The following PRKCE variants were observed in gnomAD, a reference collection of about 807,000 sequenced individuals.
PRKCE encodes the protein protein kinase C epsilon.
PRKCE carries 16 observed loss-of-function variants against 85.4 expected under a neutral mutation model. The ratio of observed to expected loss-of-function variants is 0.19; its 90% CI spans 0.13 to 0.28. PRKCE has a LOEUF of 0.28. Ranked by LOEUF, PRKCE falls within the 10% of genes least tolerant of loss-of-function variation. PRKCE has a pLI of 1.00. For missense variants in PRKCE, 573 were observed against 975.2 expected, an observed-to-expected ratio of 0.59 and a Z score of 5.49; for synonymous variants, 388 against 371.5, an observed-to-expected ratio of 1.04 and a Z score of -0.51.
At position 45,671,862 on chromosome 2, in the gene PRKCE, A is replaced by G. The variant is rs546822997; in HGVS notation, c.348+19414A>G. On this transcript the variant is annotated intron_variant, in intron 1 of 14. Coordinates refer to ENST00000306156, the MANE Select transcript of PRKCE (RefSeq NM_005400.3). ...GGCAGGGGGATTGCTTGAGGTCAAG[A>G]CCAGCCTGGCCAACATGGCAAGACA... Among the ~76,000 whole-genome samples the G allele has an allele frequency of 2.1e-3, 317 of 152,226 alleles. 1 individual carries two copies. The highest frequency in any genetic ancestry group is 7.4e-3 in the African/African-American group (308 of 41,530).
At chr2:45,960,958 C>T (rs1340198114) in intron 2 of PRKCE, among the ~76,000 whole-genome samples, 2 of 152,184 alleles carry the variant, frequency 1.3e-5, no homozygotes, top group Admixed American at 1.3e-4. Context: ...TCTGTTTCAA[C>T]AGGGTTGAAA....
At chr2:45,999,600 G>A (rs1704503566) in intron 6 of PRKCE, among the ~76,000 whole-genome samples, 1 of 152,040 alleles carries the variant, frequency 6.6e-6, no homozygotes, top group Non-Finnish European at 1.5e-5. Context: ...TTTATCCTGT[G>A]TGGTGTTCTT....
intron 10 of PRKCE, among the ~76,000 whole-genome samples, chr2:46,074,402 G>GCAAA (rs1211797304): frequency 2.8e-5 from 2 of 72,500 alleles, no homozygotes; most frequent in African/African-American, 5.2e-5. Context: ...AATTAAGCAA[G>GCAAA]CAAACAAACA....
At chr2:45,966,569 A>G (rs1455042456) in intron 2 of PRKCE, among the ~76,000 whole-genome samples, 3 of 152,200 alleles carry the variant, frequency 2.0e-5, no homozygotes, top group Admixed American at 1.3e-4. Context: ...TACCTTGAAG[A>G]CTATAATCAC....
At chr2:45,780,466 A>G (rs193299323) in intron 1 of PRKCE, among the ~76,000 whole-genome samples, 1 of 152,162 alleles carries the variant, frequency 6.6e-6, no homozygotes, top group South Asian at 2.1e-4. Context: ...GCAGAATTAG[A>G]TTTGATTTCT....
At chr2:46,127,618 G>A (rs1488618268) in intron 11 of PRKCE, among the ~76,000 whole-genome samples, 2 of 152,234 alleles carry the variant, frequency 1.3e-5, no homozygotes, top group Non-Finnish European at 2.9e-5. Context: ...TCTCCACACT[G>A]ACTTGGATCT....
intron 1 of PRKCE, among the ~76,000 whole-genome samples, chr2:45,734,730 C>T (rs1681900245): frequency 6.6e-6 from 1 of 152,004 alleles, no homozygotes; most frequent in Non-Finnish European, 1.5e-5. Context: ...GCCTGAAGTA[C>T]TCACTCCCCA....
intron 1 of PRKCE, among the ~76,000 whole-genome samples, chr2:45,709,379 G>A (rs2104344513): frequency 6.6e-6 from 1 of 152,348 alleles, no homozygotes; most frequent in East Asian, 1.9e-4. Flanking sequence ...GGCAGATCTT[G>A]GCTCTTGCTT....
chr2:45,789,903 C>A (rs1298719428), intron 1 of PRKCE, among the ~76,000 whole-genome samples: 1 of 152,178 alleles, frequency 6.6e-6, no homozygotes, highest in Non-Finnish European at 1.5e-5. Context: ...ATTAGCTTTA[C>A]ATATCTGACA....
chr2:46,151,280 T>TACACACACACACACACACACACAC (rs35676949), intron 13 of PRKCE, 51 bp downstream of exon 13: 1 of 535,596 alleles, frequency 1.9e-6, no homozygotes, highest in Non-Finnish European at 3.0e-6. Flanking sequence ...CTCCTCCCCC[T>TACACACACACACACACACACACAC]ACACACACAC....
intron 2 of PRKCE, among the ~76,000 whole-genome samples, chr2:45,853,260 T>C (rs748094152): frequency 1.3e-5 from 2 of 152,200 alleles, no homozygotes; most frequent in Non-Finnish European, 1.5e-5. Flanking sequence ...CTGGCTTTCA[T>C]AGTTTGCAGT....
chr2:45,967,018 C>G (rs1359892903), intron 2 of PRKCE, among the ~76,000 whole-genome samples: 1 of 152,146 alleles, frequency 6.6e-6, no homozygotes. Context: ...AGAGAAAGAA[C>G]CTGAACCATG....
chr2:46,144,047 C>T (rs1574587209), intron 11 of PRKCE, among the ~76,000 whole-genome samples: 1 of 152,218 alleles, frequency 6.6e-6, no homozygotes, highest in East Asian at 1.9e-4. Context: ...AAGGTGGATA[C>T]CACCACCCAG....
chr2:45,714,729 T>C (rs762104315), intron 1 of PRKCE, among the ~76,000 whole-genome samples: 1 of 152,146 alleles, frequency 6.6e-6, no homozygotes, highest in East Asian at 1.9e-4. Context: ...GAGGTGTAAC[T>C]CACTGGGTGT....
intron 10 of PRKCE, among the ~76,000 whole-genome samples, chr2:46,079,101 C>G (rs182998655): frequency 6.7e-6 from 1 of 149,014 alleles, no homozygotes; most frequent in Non-Finnish European, 1.5e-5. Flanking sequence ...TGCTTGAACC[C>G]GAAGGTGGAG....
intron 11 of PRKCE, among the ~76,000 whole-genome samples, chr2:46,122,848 T>A (rs1301436449): frequency 6.6e-6 from 1 of 150,640 alleles, no homozygotes; most frequent in Non-Finnish European, 1.5e-5. Flanking sequence ...GGCGCAGTGT[T>A]GAAACCTGGC....
chr2:45,951,271 C>G (rs536034216), intron 2 of PRKCE, among the ~76,000 whole-genome samples: 1 of 152,332 alleles, frequency 6.6e-6, no homozygotes, highest in South Asian at 2.1e-4. Flanking sequence ...GGAACCACTG[C>G]TTTAGACAAC....
intron 14 of PRKCE, among the ~76,000 whole-genome samples, chr2:46,178,838 T>TAATA (rs916247511): frequency 3.3e-5 from 5 of 152,054 alleles, no homozygotes; most frequent in African/African-American, 1.2e-4. Flanking sequence ...ATGGGGAATA[T>TAATA]AATACACATG....
At chr2:45,978,098 C>G (rs1702601124) in intron 3 of PRKCE, 1 of 152,312 alleles carries the variant, frequency 6.6e-6, no homozygotes, top group Non-Finnish European at 1.5e-5. Flanking sequence ...CCCAGCCCAA[C>G]TGAGGCAGAA....
Sources: gnomAD v4.1 joint callset for allele counts (sites outside exome capture counted in the v4.1 genomes callset) on GRCh38, gnomAD v4.1.1 for gene constraint, MANE v1.5 for transcripts, NCBI Gene and HGNC (gene_info 2026-07-23, HGNC 2026-07-21) for gene names.